Variants in CNTRL observed in about 807,000 individuals in gnomAD.
The protein encoded by CNTRL is centriolin, also known as 110 kDa centrosomal protein.
In CNTRL, 233 loss-of-function variants were observed where a neutral mutation model predicts 303.7. The ratio of observed to expected loss-of-function variants is 0.77; its 90% CI spans 0.69 to 0.86. The LOEUF (loss-of-function observed/expected upper bound fraction) is 0.86, where lower values mean the gene tolerates loss of function less well. Among genes scored for constraint, CNTRL ranks in the 40% least tolerant of loss-of-function variants. The pLI is 0.00. For missense variants in CNTRL, 2,524 were observed against 2,650.6 expected, an observed-to-expected ratio of 0.95 and a Z score of 1.05; for synonymous variants, 900 against 922.2, an observed-to-expected ratio of 0.98 and a Z score of 0.44.
chr9:121,110,936 CA>C (rs2049718855), intron 8 of CNTRL: 2 of 152,064 alleles, frequency 1.3e-5, no homozygotes, highest in African/African-American at 4.8e-5. Context: ...ATAAAAGTCA[CA>C]AAAGTACTTT....
intron 36 of CNTRL, among the ~76,000 whole-genome samples, chr9:121,167,143 C>A (rs955686957): frequency 9.9e-5 from 15 of 152,076 alleles, no homozygotes; most frequent in African/African-American, 2.9e-4. Context: ...AACCCCGTCT[C>A]TACGAAAAAG....
At chr9:121,168,410 C>T (rs749398850) in intron 38 of CNTRL, 89 bp downstream of exon 38, 81 of 1,102,028 alleles carry the variant, frequency 7.4e-5, no homozygotes, top group Non-Finnish European at 9.8e-5. Flanking sequence ...GATCCGGACC[C>T]CAGCCAGAGC....
intron 27 of CNTRL, 23 bp downstream of exon 27, chr9:121,154,936 G>C: frequency 1.2e-6 from 2 of 1,607,400 alleles, no homozygotes; most frequent in Non-Finnish European, 1.7e-6. Context: ...GTGGTTTGGG[G>C]TGTGAGCTCA....
intron 14 of CNTRL, among the ~76,000 whole-genome samples, chr9:121,128,344 G>A (rs1342208346): frequency 1.3e-5 from 2 of 152,150 alleles, no homozygotes; most frequent in African/African-American, 2.4e-5. Flanking sequence ...ATTCTAACTG[G>A]TGTGAAATGG....
rs2053569177 is a variant in CNTRL, at chr9:121,177,403, CCAA to C, written c.*220_*222del. The C allele has an allele frequency of 2.4e-6, 1 of 424,922 alleles. No individual in the cohort carries two copies. Among genetic ancestry groups the C allele is most frequent in the Non-Finnish European group, 4.1e-6 (1 of 242,656 alleles). The allele number at this position is 424,922 out of a possible 1,614,324, so 26.3% of individuals were successfully genotyped here. A position where few individuals can be genotyped will look rare whatever the true frequency, so the allele number is the denominator to read the frequency against. ...GAATAGTTGCATATGGGAATTTAAACCAACATGTGGCTGAGCCTTTTTTTTTTT... is the reference window on the plus strand; with the variant it reads ...GAATAGTTGCATATGGGAATTTAAACCATGTGGCTGAGCCTTTTTTTTTTT... On this transcript the variant is annotated 3_prime_UTR_variant, in exon 44 of 44. Coordinates refer to ENST00000373855, the MANE Select transcript of CNTRL (RefSeq NM_007018.6).
At chr9:121,155,516 C>T (rs543478257) in intron 27 of CNTRL, among the ~76,000 whole-genome samples, 23 of 152,164 alleles carry the variant, frequency 1.5e-4, no homozygotes, top group African/African-American at 2.6e-4. Flanking sequence ...TGAGTAGAGA[C>T]GGGGTTTCAC....
intron 7 of CNTRL, among the ~76,000 whole-genome samples, chr9:121,107,475 C>T (rs1019573426): frequency 2.0e-5 from 3 of 152,088 alleles, no homozygotes; most frequent in African/African-American, 7.2e-5. Context: ...TTGCAGCATC[C>T]TTTTAAATGT....
intron 14 of CNTRL, among the ~76,000 whole-genome samples, chr9:121,135,011 G>A (rs1411383739): frequency 6.6e-6 from 1 of 152,144 alleles, no homozygotes; most frequent in South Asian, 2.1e-4. Flanking sequence ...TTGCCAAGTG[G>A]TTTTTGGACA....
At chr9:121,133,594 C>T (rs117116510) in intron 14 of CNTRL, among the ~76,000 whole-genome samples, 1,668 of 152,338 alleles carry the variant, frequency 0.011, 12 homozygotes, top group Non-Finnish European at 0.019. Flanking sequence ...AATCCCCCGA[C>T]GCCTTGCATT....
intron 1 of CNTRL, among the ~76,000 whole-genome samples, chr9:121,078,223 A>G (rs7036251): frequency 0.019 from 2,964 of 152,260 alleles, 81 homozygotes; most frequent in African/African-American, 0.068. Flanking sequence ...CCTGGCCAGC[A>G]TGGCAAAACC....
At chr9:121,075,224 A>G (rs984622795) in intron 1 of CNTRL, among the ~76,000 whole-genome samples, 157 bp downstream of exon 1, 4 of 152,068 alleles carry the variant, frequency 2.6e-5, no homozygotes, top group Non-Finnish European at 5.9e-5. Flanking sequence ...ATTGGACGGG[A>G]AAGAGGGGAG....
chr9:121,153,041 CTCTT>C (rs1388892277), intron 26 of CNTRL, among the ~76,000 whole-genome samples: 2 of 152,174 alleles, frequency 1.3e-5, no homozygotes, highest in African/African-American at 2.4e-5. Flanking sequence ...GGGTTCTCAA[CTCTT>C]TCTTTTCCAT....
chr9:121,173,555 C>G lies in CNTRL; in HGVS notation c.6684+46C>G. ...TCTCTGGGTTCGTAGGATTGACCAC[C>G]TCCCCCAGCTAAGCTAAAACACAGA... On this transcript the variant is annotated intron_variant, in intron 41 of 43. Coordinates refer to ENST00000373855, the MANE Select transcript of CNTRL (RefSeq NM_007018.6). 1.9e-6 allele frequency: 3 copies of G among 1,609,628 alleles called. No individual in the cohort carries two copies. The South Asian group carries it at 3.3e-5, about 18-fold the overall frequency.
chr9:121,176,713 A>G (rs1306225556), intron 43 of CNTRL, among the ~76,000 whole-genome samples: 1 of 152,214 alleles, frequency 6.6e-6, no homozygotes, highest in East Asian at 1.9e-4. Context: ...GTTGTAATCC[A>G]GGCCTATATG....
chr9:121,173,303 C>T lies in CNTRL; in HGVS notation c.6478C>T (p.Leu2160Phe). ...QMEISDAMRT[L>F]KSEVKDEIRT... ...GGAAATCAGTGATGCAATGAGGACA[C>T]TTAAATCTGAGGTGAAGGATGAAAT... The change falls in exon 41 of 44, where the codon CTT (leucine) becomes TTT (phenylalanine). Residue 2160 changes from leucine (L) to phenylalanine (F), a missense_variant. Transcript: ENST00000373855. 6.2e-7 allele frequency: 1 copy of T among 1,614,034 alleles called. No individual in the cohort carries two copies. Among genetic ancestry groups the T allele is most frequent in the Non-Finnish European group, 8.5e-7 (1 of 1,179,994 alleles).
rs771075955 is a variant in CNTRL at position 121,168,206 on chromosome 9, G to C, written c.5955G>C (p.Gln1985His). The change falls in exon 38 of 44, where the codon CAG becomes CAC. Residue 1985 changes from glutamine (Q) to histidine (H), a missense_variant. Physicochemically the swap from Gln to His is conservative, Grantham distance 24 (BLOSUM62 0). Transcript: ENST00000373855. The stretch of plus-strand genomic sequence containing the variant: ...AGCTGGAAAAGGAATTAACAGACCA[G>C]AAAAGCAAACTGGACCAAGTGCTCT... ...QHQLEKELTD[Q>H]KSKLDQVLSK... 2 of 1,614,196 alleles carry C rather than the reference G, an allele frequency of 1.2e-6. No homozygotes were observed. Among genetic ancestry groups the C allele is most frequent in the Non-Finnish European group, 1.7e-6 (2 of 1,180,034 alleles).
At chr9:121,082,124 A>C (rs996947245) in intron 2 of CNTRL, among the ~76,000 whole-genome samples, 35 of 152,380 alleles carry the variant, frequency 2.3e-4, no homozygotes, top group African/African-American at 8.2e-4. Flanking sequence ...TTAATTGAAC[A>C]AAGAATAGTT....
chr9:121,130,989 T>G (rs2050820907), intron 14 of CNTRL, among the ~76,000 whole-genome samples: 1 of 152,238 alleles, frequency 6.6e-6, no homozygotes, highest in East Asian at 1.9e-4. Context: ...CACTGTGGTC[T>G]GAGAGACAGT....
Position 121,157,800 on chromosome 9 carries a change from GA to G in CNTRL, c.4560del (p.Glu1521LysfsTer2), listed in dbSNP as rs1173123988. 2 of 1,614,024 alleles carry G rather than the reference GA, an allele frequency of 1.2e-6. No homozygotes were observed. Among genetic ancestry groups the G allele is most frequent in the African/African-American group, 2.7e-5 (2 of 74,916 alleles). Reference sequence around the variant, plus strand: ...ACAAAATCAAGCAAGAAGAAATCTTGAAAGAAATAAACAAAATTGTAGCAGC... The same window carrying G: ...ACAAAATCAAGCAAGAAGAAATCTTGAAGAAATAAACAAAATTGTAGCAGC... ...QHKIKQEEIL[K>X]EINKIVAAKD... On this transcript the variant is annotated frameshift_variant, in exon 29 of 44. Coordinates refer to ENST00000373855, the MANE Select transcript of CNTRL (RefSeq NM_007018.6). LOFTEE classifies it high-confidence loss of function.
Sources: gnomAD v4.1 joint callset for allele counts (sites outside exome capture counted in the v4.1 genomes callset) on GRCh38, gnomAD v4.1.1 for gene constraint, MANE v1.5 for transcripts, NCBI Gene and HGNC (gene_info 2026-07-23, HGNC 2026-07-21) for gene names.